Variants in KALRN observed in about 807,000 individuals in gnomAD.
The protein encoded by KALRN is kalirin.
In KALRN, 70 loss-of-function variants were observed where a neutral mutation model predicts 353.7. The ratio of observed to expected loss-of-function variants is 0.20; its 90% CI spans 0.16 to 0.24. KALRN has a LOEUF of 0.24. KALRN is among the 10% of genes least tolerant of loss of function. KALRN has a pLI of 1.00. For missense variants in KALRN, 2,791 were observed against 3,756.7 expected, an observed-to-expected ratio of 0.74 and a Z score of 6.72; for synonymous variants, 1,391 against 1,434.8, an observed-to-expected ratio of 0.97 and a Z score of 0.69.
At chr3:124,433,931 C>T (rs538707835) in intron 16 of KALRN, among the ~76,000 whole-genome samples, 4 of 152,210 alleles carry the variant, frequency 2.6e-5, no homozygotes, top group East Asian at 1.9e-4. Context: ...TAACCTCCTT[C>T]GAAAACTCAA....
At chr3:124,613,197 CT>C (rs2078198002) in intron 34 of KALRN, among the ~76,000 whole-genome samples, 1 of 67,916 alleles carries the variant, frequency 1.5e-5, no homozygotes, top group Admixed American at 1.4e-4. Flanking sequence ...TGGTTGCCTC[CT>C]TTAAAAAAAA....
chr3:124,493,458 C>T (rs936027082), intron 32 of KALRN, among the ~76,000 whole-genome samples: 7 of 152,122 alleles, frequency 4.6e-5, no homozygotes, highest in African/African-American at 1.7e-4. Flanking sequence ...TCCTCTAAAC[C>T]CATGGATGAC....
At chr3:124,078,865 G>A (rs1470251177) in intron 1 of KALRN, among the ~76,000 whole-genome samples, 2 of 152,226 alleles carry the variant, frequency 1.3e-5, no homozygotes, top group Non-Finnish European at 2.9e-5. Flanking sequence ...TAGGGACTGG[G>A]ACAAGGGTTG....
At chr3:124,237,444 C>A (rs1348252606) in intron 3 of KALRN, among the ~76,000 whole-genome samples, 1 of 151,022 alleles carries the variant, frequency 6.6e-6, no homozygotes, top group African/African-American at 2.4e-5. Context: ...TTCACTGTAA[C>A]CTCTGCTTCC....
intron 33 of KALRN, among the ~76,000 whole-genome samples, chr3:124,504,398 G>A (rs925712367): frequency 6.6e-6 from 1 of 152,124 alleles, no homozygotes; most frequent in Admixed American, 6.5e-5. Context: ...TGGATTAAAA[G>A]CAGTGCTTTT....
At chr3:124,617,497 A>G (rs2078746818) in intron 34 of KALRN, among the ~76,000 whole-genome samples, 1 of 152,236 alleles carries the variant, frequency 6.6e-6, no homozygotes, top group East Asian at 1.9e-4. Flanking sequence ...TGGGCTTACA[A>G]CGAAGAAGTC....
At chr3:124,191,409 C>T (rs2074901540) in intron 1 of KALRN, among the ~76,000 whole-genome samples, 1 of 152,180 alleles carries the variant, frequency 6.6e-6, no homozygotes, top group African/African-American at 2.4e-5. Flanking sequence ...TGCCTAGGGG[C>T]CCCCAGCCAC....
At chr3:124,674,121 T>G (rs1248863906) in intron 48 of KALRN, among the ~76,000 whole-genome samples, 1 of 152,138 alleles carries the variant, frequency 6.6e-6, no homozygotes, top group Non-Finnish European at 1.5e-5. Context: ...AAGGCGTGTT[T>G]ATACCTTTAT....
intron 7 of KALRN, among the ~76,000 whole-genome samples, chr3:124,327,724 C>T (rs779024171): frequency 6.6e-6 from 1 of 152,210 alleles, no homozygotes; most frequent in Non-Finnish European, 1.5e-5. Context: ...TTAACTTCTA[C>T]AATTCTTTCT....
chr3:124,631,772 C>A (rs12152359), intron 34 of KALRN, among the ~76,000 whole-genome samples: 8,881 of 152,286 alleles, frequency 0.058, 394 homozygotes, highest in East Asian at 0.19. Flanking sequence ...GTTTTCACTC[C>A]AGGTAAAAGC....
chr3:124,427,272 G>A (rs1012791452), intron 15 of KALRN, among the ~76,000 whole-genome samples: 2 of 152,208 alleles, frequency 1.3e-5, no homozygotes, highest in African/African-American at 4.8e-5. Flanking sequence ...ATGAACATGT[G>A]CAGTCTCATA....
At position 124,525,604 on chromosome 3, in the gene KALRN, C is replaced by G. The variant is rs1220787020; in HGVS notation, c.4935+29191C>G. On this transcript the variant is annotated intron_variant, in intron 33 of 59. Transcript: ENST00000682506. Reference sequence around the variant, plus strand: ...CTGGTGTCTCACAGATTCACGAGGACTTGCCTGGGATCTTGGCCTTGAGAA... The same window carrying G: ...CTGGTGTCTCACAGATTCACGAGGAGTTGCCTGGGATCTTGGCCTTGAGAA... Among the ~76,000 whole-genome samples, 3 of 152,290 alleles carry G rather than the reference C, an allele frequency of 2.0e-5. No individual in the cohort carries two copies. The East Asian group carries it at 5.8e-4, about 29-fold the overall frequency.
At position 124,334,149 on chromosome 3, in the gene KALRN, A is replaced by G. The variant is rs1318604090; in HGVS notation, c.1417-116A>G. 2 of 855,078 alleles carry G rather than the reference A, an allele frequency of 2.3e-6. No homozygotes were observed. The highest frequency in any genetic ancestry group is 4.9e-5 in the East Asian group (2 of 41,102). 53.0% of individuals were successfully genotyped at this position (855,078 alleles called of 1,614,324 possible). ...GGCTGGCTAGGTGTCTGGGTATGGA[A>G]TGCCTGAGATTCTCAGAAGGCCTAG... On this transcript the variant is annotated intron_variant, in intron 8 of 59. Coordinates refer to ENST00000682506, the MANE Select transcript of KALRN (RefSeq NM_001388419.1). The surrounding 1 kb of genome is among the most constrained non-coding windows in gnomAD (Gnocchi z 4.2).
At chr3:124,432,933 C>T (rs1163779664) in intron 16 of KALRN, among the ~76,000 whole-genome samples, 2 of 152,192 alleles carry the variant, frequency 1.3e-5, no homozygotes, top group Non-Finnish European at 2.9e-5. Flanking sequence ...GAAAGGTAGG[C>T]AGAGTCTGCA....
At chr3:124,352,646 TTCTC>T (rs961062190) in intron 10 of KALRN, among the ~76,000 whole-genome samples, 23 of 152,134 alleles carry the variant, frequency 1.5e-4, no homozygotes, top group Admixed American at 9.8e-4. Flanking sequence ...GGTTACTTGT[TTCTC>T]TATCCAACCC....
At chr3:124,304,389 G>A (rs1461917552) in intron 6 of KALRN, among the ~76,000 whole-genome samples, 1 of 152,142 alleles carries the variant, frequency 6.6e-6, no homozygotes, top group Non-Finnish European at 1.5e-5. Context: ...ATCTCTGGGA[G>A]TAGGACCCCA....
intron 33 of KALRN, chr3:124,519,862 T>C (rs1404958018): frequency 2.0e-6 from 2 of 985,270 alleles, no homozygotes; most frequent in Admixed American, 6.2e-5. Flanking sequence ...GCTGTTGATA[T>C]ACAGTGATTT....
intron 1 of KALRN, among the ~76,000 whole-genome samples, chr3:124,171,352 A>C (rs1331691213): frequency 6.6e-6 from 1 of 152,172 alleles, no homozygotes; most frequent in East Asian, 1.9e-4. Flanking sequence ...AGATGGCTTT[A>C]CTGACAAGTC....
intron 38 of KALRN, among the ~76,000 whole-genome samples, chr3:124,654,276 G>T (rs1336551603): frequency 6.6e-6 from 1 of 152,200 alleles, no homozygotes; most frequent in Non-Finnish European, 1.5e-5. Flanking sequence ...TGTTGGAAGT[G>T]CTGGGTGCAC....
Sources: allele counts gnomAD v4.1 joint callset (sites outside exome capture counted in the v4.1 genomes callset), GRCh38; gene constraint gnomAD v4.1.1; non-coding constraint Gnocchi (gnomAD v3.1); transcripts MANE v1.5; gene names NCBI Gene and HGNC (gene_info 2026-07-23, HGNC 2026-07-21).